The following DTNB variants were observed in gnomAD, a reference collection of about 807,000 sequenced individuals.
DTNB encodes DTN-B.
DTNB carries 63 observed loss-of-function variants against 90.7 expected under a neutral mutation model. The observed-to-expected ratio is 0.69, with a 90% CI of 0.57 to 0.86. The LOEUF (loss-of-function observed/expected upper bound fraction) is 0.86. Ranked by LOEUF, DTNB falls within the 40% of genes least tolerant of loss-of-function variation. The pLI is 0.00. For synonymous variants in DTNB, 277 were observed against 286.7 expected (o/e 0.97, Z 0.34); for missense variants, 744 against 807.1 (o/e 0.92, Z 0.95).
intron 8 of DTNB, among the ~76,000 whole-genome samples, chr2:25,556,811 G>A (rs2057437768): frequency 6.6e-6 from 1 of 152,172 alleles, no homozygotes; most frequent in South Asian, 2.1e-4. Context: ...AGGAGATAAA[G>A]GAAACTAGAA....
chr2:25,508,995 A>AT (rs1423608249), intron 9 of DTNB, among the ~76,000 whole-genome samples: 2 of 152,156 alleles, frequency 1.3e-5, no homozygotes, highest in Non-Finnish European at 2.9e-5. Context: ...AATGCCACTG[A>AT]TTTTTTTAAA....
intron 16 of DTNB, among the ~76,000 whole-genome samples, chr2:25,401,313 C>T (rs1157668050): frequency 6.6e-6 from 1 of 152,212 alleles, no homozygotes; most frequent in African/African-American, 2.4e-5. Context: ...AAGGAGAATA[C>T]AGGGATTATG....
chr2:25,637,726 T>C (rs981138541), intron 3 of DTNB, among the ~76,000 whole-genome samples: 2 of 152,130 alleles, frequency 1.3e-5, no homozygotes, highest in African/African-American at 4.8e-5. Flanking sequence ...CTGGAGAGGA[T>C]GTGGAGAAAT....
intron 5 of DTNB, among the ~76,000 whole-genome samples, chr2:25,598,238 C>A (rs1449682848): frequency 6.6e-6 from 1 of 152,078 alleles, no homozygotes; most frequent in Non-Finnish European, 1.5e-5. Context: ...GCTATGATAG[C>A]TGGAGCTCCA....
chr2:25,451,906 C>T (rs910886276), intron 11 of DTNB, among the ~76,000 whole-genome samples: 2 of 152,204 alleles, frequency 1.3e-5, no homozygotes, highest in Non-Finnish European at 2.9e-5. Flanking sequence ...TGAGAAAACA[C>T]AGGGCACCCA....
chr2:25,667,053 T>C (rs2084618793), intron 1 of DTNB, among the ~76,000 whole-genome samples: 1 of 151,550 alleles, frequency 6.6e-6, no homozygotes, highest in African/African-American at 2.4e-5. Flanking sequence ...AATTATCATA[T>C]CTGATTCTAG....
intron 9 of DTNB, among the ~76,000 whole-genome samples, chr2:25,493,586 G>C (rs2068071394): frequency 6.6e-6 from 1 of 152,092 alleles, no homozygotes; most frequent in Non-Finnish European, 1.5e-5. Flanking sequence ...GTCCTTCATA[G>C]ATTGGCCAAA....
intron 8 of DTNB, among the ~76,000 whole-genome samples, chr2:25,549,511 TTTTA>T (rs2083146697): frequency 6.6e-6 from 1 of 152,182 alleles, no homozygotes; most frequent in Non-Finnish European, 1.5e-5. Context: ...TTTGGCATGT[TTTTA>T]TTTCCCTTTT....
intron 1 of DTNB, among the ~76,000 whole-genome samples, chr2:25,655,326 A>AC (rs2081861377): frequency 6.6e-6 from 1 of 152,148 alleles, no homozygotes. Context: ...AAAGATGCCT[A>AC]CCCTCCTGGA....
chr2:25,421,899 A>G (rs993522440), intron 15 of DTNB, among the ~76,000 whole-genome samples: 2 of 152,256 alleles, frequency 1.3e-5, no homozygotes, highest in Admixed American at 6.5e-5. Context: ...GGCTGGGGAC[A>G]GTGGGCAGGG....
In DTNB at chr2:25,673,457, G is replaced by A. The variant is rs1015044033; in HGVS notation, c.-73C>T. Reference sequence around the variant, plus strand: ...GCGGCCTCACTCCTCCGCACGCTCCGGCCCAGCCCCCTCGGCTGAGGCAGC... The same window carrying A: ...GCGGCCTCACTCCTCCGCACGCTCCAGCCCAGCCCCCTCGGCTGAGGCAGC... On this transcript the variant is annotated 5_prime_UTR_variant, in exon 1 of 21. Transcript: ENST00000406818. 3 of 151,012 alleles carry A rather than the reference G, an allele frequency of 2.0e-5. No individual in the cohort carries two copies. The highest frequency in any genetic ancestry group is 4.1e-4 in the South Asian group (2 of 4,830). The allele number at this position is 151,012 out of a possible 1,614,324, so 9.4% of individuals were successfully genotyped here.
chr2:25,621,410 C>A (rs938146269), intron 4 of DTNB, among the ~76,000 whole-genome samples: 1 of 147,438 alleles, frequency 6.8e-6, no homozygotes, highest in Admixed American at 6.8e-5. Flanking sequence ...AACAATATAA[C>A]TTTTTAAATG....
rs541098377 is a variant in DTNB at position 25,643,011 on chromosome 2, C to T, written c.68-3917G>A. 3.9e-5 allele frequency among the ~76,000 whole-genome samples: 6 copies of T among 152,230 alleles called. No homozygotes were observed. The East Asian group carries it at 5.8e-4, about 15-fold the overall frequency. On this transcript the variant is annotated intron_variant, in intron 2 of 20. Transcript: ENST00000406818. ...CAAGCAATCGTGCCCACCTCAGCCTCGCAAAGTGCTGGGATTACAGGTGTG... is the reference window on the plus strand; with the variant it reads ...CAAGCAATCGTGCCCACCTCAGCCTTGCAAAGTGCTGGGATTACAGGTGTG...
intron 3 of DTNB, among the ~76,000 whole-genome samples, chr2:25,637,855 C>G (rs1390234878): frequency 1.3e-5 from 2 of 152,192 alleles, no homozygotes; most frequent in Non-Finnish European, 2.9e-5. Flanking sequence ...AATCCCATTA[C>G]TGGGTATATA....
At chr2:25,409,451 C>T (rs2046069261) in intron 16 of DTNB, among the ~76,000 whole-genome samples, 1 of 152,170 alleles carries the variant, frequency 6.6e-6, no homozygotes, top group Non-Finnish European at 1.5e-5. Context: ...TGGGATTTAG[C>T]TGGCAAGACT....
intron 10 of DTNB, among the ~76,000 whole-genome samples, chr2:25,468,141 A>G (rs903428373): frequency 2.0e-5 from 3 of 152,196 alleles, no homozygotes; most frequent in Admixed American, 6.5e-5. Flanking sequence ...GCTTACAACC[A>G]TAAGTCTGTT....
rs564740472 is a variant in DTNB at position 25,402,853 on chromosome 2, C to T, written c.1576-14492G>A. Among the ~76,000 whole-genome samples, 3 of 152,228 alleles carry T rather than the reference C, an allele frequency of 2.0e-5. No individual in the cohort carries two copies. In the South Asian group the frequency reaches 6.2e-4, roughly 32 times the overall value. ...TGATTCTGTCCCTATTCAAGTTACA[C>T]TAAATTATATAGAAGACAAAGCTTA... is the stretch of plus-strand genomic sequence containing the variant. On this transcript the variant is annotated intron_variant, in intron 16 of 20. Coordinates refer to ENST00000406818, the MANE Select transcript of DTNB (RefSeq NM_021907.5).
chr2:25,427,549 T>C lies in DTNB; in HGVS notation c.1540A>G (p.Met514Val). 6.2e-7 allele frequency: 1 copy of C among 1,613,778 alleles called. No homozygotes were observed. The highest frequency in any genetic ancestry group is 1.3e-5 in the African/African-American group (1 of 75,028). ...CGGGCTCTTACCTTCAGCAACTTCA[T>C]CAGCTCTTCCAGCTGGACCATCAGC... The part of the protein sequence containing the change: ...RELMVQLEEL[M>V]KLLKEEEQKQ... The change falls in exon 15 of 21, where the codon ATG (methionine) becomes GTG (valine). Residue 514 changes from methionine to valine, a missense_variant. Coordinates refer to ENST00000406818, the MANE Select transcript of DTNB (RefSeq NM_021907.5).
At chr2:25,575,879 C>T (rs1196298565) in intron 8 of DTNB, among the ~76,000 whole-genome samples, 1 of 152,010 alleles carries the variant, frequency 6.6e-6, no homozygotes, top group East Asian at 1.9e-4. Flanking sequence ...ATTTTTAGGA[C>T]TCTGGAAATA....
Sources: allele counts gnomAD v4.1 joint callset (sites outside exome capture counted in the v4.1 genomes callset), GRCh38; gene constraint gnomAD v4.1.1; transcripts MANE v1.5; gene names NCBI Gene and HGNC (gene_info 2026-07-23, HGNC 2026-07-21).